The following BTRC variants were observed in gnomAD, a reference collection of about 807,000 sequenced individuals.
The protein encoded by BTRC is beta-transducin repeat containing E3 ubiquitin protein ligase.
In BTRC, 42 loss-of-function variants were observed where a neutral mutation model predicts 85.5. That is an observed-to-expected ratio of 0.49 (90% CI 0.38 to 0.64). The LOEUF (loss-of-function observed/expected upper bound fraction) is 0.64, where lower values mean the gene tolerates loss of function less well. Ranked by LOEUF, BTRC falls within the 30% of genes least tolerant of loss-of-function variation. The pLI, the probability that BTRC is intolerant of heterozygous loss-of-function variation, is 0.00. For synonymous variants in BTRC, 255 were observed against 263.3 expected (o/e 0.97, Z 0.30); for missense variants, 594 against 743.5 (o/e 0.80, Z 2.34).
chr10:101,426,655 G>A (rs998383736), intron 1 of BTRC, among the ~76,000 whole-genome samples: 1 of 152,140 alleles, frequency 6.6e-6, no homozygotes, highest in Non-Finnish European at 1.5e-5. Context: ...CAAAAATAAC[G>A]CAGATTTTTA....
chr10:101,418,786 C>G lies in BTRC; in HGVS notation c.49-11559C>G, dbSNP rs188967064. On this transcript the variant is annotated intron_variant, in intron 1 of 14. Transcript: ENST00000370187. The stretch of plus-strand genomic sequence containing the variant: ...GTAAACATGCCATGGTGTTTTGTTG[C>G]ACCTATCAACCCATCACCTAGGTAT... Among the ~76,000 whole-genome samples the G allele has an allele frequency of 2.3e-4, 35 of 152,136 alleles. 1 individual carries two copies. The East Asian group carries it at 6.8e-3, about 29-fold the overall frequency.
At chr10:101,420,999 A>G (rs1944086001) in intron 1 of BTRC, among the ~76,000 whole-genome samples, 1 of 149,856 alleles carries the variant, frequency 6.7e-6, no homozygotes, top group Admixed American at 6.7e-5. Flanking sequence ...TTTCTTACAT[A>G]CTAGATAGAG....
At chr10:101,377,259 T>G (rs1164506983) in intron 1 of BTRC, among the ~76,000 whole-genome samples, 1 of 152,230 alleles carries the variant, frequency 6.6e-6, no homozygotes, top group Non-Finnish European at 1.5e-5. Flanking sequence ...TGTTGATTAG[T>G]ATTTTATTGT....
chr10:101,532,903 C>T (rs770223632), intron 8 of BTRC, 49 bp from the exon 9 acceptor site: 1 of 1,420,520 alleles, frequency 7.0e-7, no homozygotes, highest in Non-Finnish European at 9.9e-7. Context: ...CAAGTCTCCA[C>T]AGCACCCCAT....
intron 1 of BTRC, among the ~76,000 whole-genome samples, chr10:101,383,841 A>G (rs1564739737): frequency 1.3e-5 from 2 of 152,206 alleles, no homozygotes; most frequent in East Asian, 1.9e-4. Context: ...AAAATTATCT[A>G]TGTTGTAATG....
At chr10:101,470,397 A>G (rs958439272) in intron 3 of BTRC, among the ~76,000 whole-genome samples, 1 of 146,698 alleles carries the variant, frequency 6.8e-6, no homozygotes, top group South Asian at 2.1e-4. Context: ...CAGTGACACA[A>G]TCTCGGCTCA....
intron 1 of BTRC, among the ~76,000 whole-genome samples, chr10:101,366,862 A>ATATATTTATG (rs1942416725): frequency 3.5e-5 from 1 of 28,746 alleles, no homozygotes; most frequent in African/African-American, 1.5e-4. Context: ...ATATATATTT[A>ATATATTTATG]TATATTAATA....
At chr10:101,467,324 G>T (rs1945401831) in intron 3 of BTRC, among the ~76,000 whole-genome samples, 1 of 139,830 alleles carries the variant, frequency 7.2e-6, no homozygotes, top group Non-Finnish European at 1.6e-5. Flanking sequence ...TATCAGGCAG[G>T]CAGGGTTTTT....
intron 4 of BTRC, among the ~76,000 whole-genome samples, chr10:101,519,955 A>G (rs1332550554): frequency 1.3e-5 from 2 of 152,056 alleles, no homozygotes; most frequent in Admixed American, 6.5e-5. Flanking sequence ...AGATCACGCT[A>G]TTGCACTCCA....
Position 101,532,983 on chromosome 10 carries a change from G to A in BTRC, c.1010G>A (p.Arg337Gln), listed in dbSNP as rs200759313. ...IWDKNTLECK[R>Q]ILTGHTGSVL... ...GATAAAAACACATTGGAATGCAAGC[G>A]AATTCTCACAGGCCATACAGGTTCA... Residue 337 changes from arginine to glutamine, a missense_variant, in exon 9 of 15, where the codon CGA becomes CAA. By Grantham distance (43) the Arg-to-Gln change is conservative (BLOSUM62 1). This residue lies in a region of BTRC where 373 missense variants were observed against 503.6 expected (regional missense o/e 0.74). Coordinates refer to ENST00000370187, the MANE Select transcript of BTRC (RefSeq NM_033637.4). 259 of 1,612,876 alleles carry A rather than the reference G, an allele frequency of 1.6e-4. No homozygotes were observed. Among genetic ancestry groups the A allele is most frequent in the Admixed American group, 2.2e-4 (13 of 59,872 alleles).
chr10:101,415,486 T>TTTATGTTATG (rs1191532968), intron 1 of BTRC, among the ~76,000 whole-genome samples: 9 of 17,086 alleles, frequency 5.3e-4, no homozygotes, highest in African/African-American at 1.2e-3. Flanking sequence ...TTTATTTTAT[T>TTTATGTTATG]TTATGTTATG....
At chr10:101,515,879 G>A (rs1435328832) in intron 4 of BTRC, among the ~76,000 whole-genome samples, 1 of 152,080 alleles carries the variant, frequency 6.6e-6, no homozygotes, top group Non-Finnish European at 1.5e-5. Flanking sequence ...TAGGTGGATG[G>A]TTTTCAAAAA....
At chr10:101,360,735 G>T (rs1262655397) in intron 1 of BTRC, among the ~76,000 whole-genome samples, 1 of 152,150 alleles carries the variant, frequency 6.6e-6, no homozygotes, top group Admixed American at 6.6e-5. Context: ...AGGGTTAAGT[G>T]ATCTTTGTGC....
chr10:101,355,680 A>T (rs1942014247), intron 1 of BTRC, among the ~76,000 whole-genome samples: 1 of 152,246 alleles, frequency 6.6e-6, no homozygotes, highest in African/African-American at 2.4e-5. Flanking sequence ...TGCCTAAAAT[A>T]CCGTAACAAA....
At chr10:101,367,313 C>A (rs1414455207) in intron 1 of BTRC, among the ~76,000 whole-genome samples, 1 of 151,288 alleles carries the variant, frequency 6.6e-6, no homozygotes, top group Admixed American at 6.6e-5. Flanking sequence ...TGTGATCTGC[C>A]TGCCTCGGCC....
intron 4 of BTRC, among the ~76,000 whole-genome samples, chr10:101,500,529 C>G (rs188597081): frequency 1.2e-3 from 177 of 152,172 alleles, no homozygotes; most frequent in African/African-American, 4.0e-3. Flanking sequence ...CATGTATAGA[C>G]AGTTTTCTGA....
rs191474891 is a variant in BTRC, at chr10:101,392,213, C to T, written c.48+37985C>T. ...CAGGGTGGTCTCAAACTCTTGACCT[C>T]GTGATCTGCCCGCCTTGGCCTCCCA... On this transcript the variant is annotated intron_variant, in intron 1 of 14. Transcript: ENST00000370187. Among the ~76,000 whole-genome samples, 11 of 152,234 alleles carry T rather than the reference C, an allele frequency of 7.2e-5. No individual in the cohort carries two copies. The East Asian group carries it at 1.9e-3, about 27-fold the overall frequency.
intron 1 of BTRC, among the ~76,000 whole-genome samples, chr10:101,380,804 A>G (rs1388041637): frequency 6.6e-6 from 1 of 152,218 alleles, no homozygotes; most frequent in Non-Finnish European, 1.5e-5. Context: ...GTGATACATT[A>G]TGAGAAATAC....
Position 101,420,441 on chromosome 10 carries a change from AC to A in BTRC, c.49-9902del, listed in dbSNP as rs1404022642. ...CACTGGGTCTGAAACTCACTGCTGGACCACTGCCTCTCCCTCTCTTAATGCA... is the reference window on the plus strand; with the variant it reads ...CACTGGGTCTGAAACTCACTGCTGGACACTGCCTCTCCCTCTCTTAATGCA... On this transcript the variant is annotated intron_variant, in intron 1 of 14. Coordinates refer to ENST00000370187, the MANE Select transcript of BTRC (RefSeq NM_033637.4). Among the ~76,000 whole-genome samples, 3 of 151,682 alleles carry A rather than the reference AC, an allele frequency of 2.0e-5. No homozygotes were observed. The East Asian group carries it at 5.8e-4, about 29-fold the overall frequency.
Sources: gnomAD v4.1 joint callset for allele counts (sites outside exome capture counted in the v4.1 genomes callset) on GRCh38, gnomAD v4.1.1 for gene constraint, gnomAD v4.1.1 regional missense constraint, MANE v1.5 for transcripts, NCBI Gene and HGNC (gene_info 2026-07-23, HGNC 2026-07-21) for gene names.